CNTNAP2: variants seen among roughly 807,000 people sequenced by gnomAD.
The protein encoded by CNTNAP2 is contactin associated protein 2.
A neutral mutation model predicts 155.2 loss-of-function variants in CNTNAP2; 98 were observed. That is an observed-to-expected ratio of 0.63 (90% confidence interval 0.54 to 0.75). The LOEUF is 0.75. CNTNAP2 is among the 30% of genes least tolerant of loss of function. CNTNAP2 has a pLI of 0.00. For missense variants in CNTNAP2, 1,727 were observed against 1,688.1 expected, an observed-to-expected ratio of 1.02 and a Z score of -0.40; for synonymous variants, 651 against 631.2, an observed-to-expected ratio of 1.03 and a Z score of -0.47.
intron 1 of CNTNAP2, among the ~76,000 whole-genome samples, chr7:146,478,483 G>A (rs1042784248): frequency 1.3e-5 from 2 of 151,906 alleles, no homozygotes; most frequent in Admixed American, 6.6e-5. Flanking sequence ...TCAGTAGCGG[G>A]CTTTGTTATG....
At chr7:147,323,534 G>GAA (rs201371251) in intron 9 of CNTNAP2, among the ~76,000 whole-genome samples, 167 of 147,486 alleles carry the variant, frequency 1.1e-3, no homozygotes, top group Admixed American at 1.6e-3. Context: ...GTGTGGTGCT[G>GAA]AAAAAAAATG....
chr7:148,348,151 C>T (rs1446439652), intron 21 of CNTNAP2, among the ~76,000 whole-genome samples: 2 of 152,160 alleles, frequency 1.3e-5, no homozygotes, highest in African/African-American at 4.8e-5. Context: ...ACAAAGAGAG[C>T]TCTGCTCCCG....
At chr7:148,397,848 T>C (rs1799502330) in intron 22 of CNTNAP2, among the ~76,000 whole-genome samples, 1 of 152,228 alleles carries the variant, frequency 6.6e-6, no homozygotes, top group South Asian at 2.1e-4. Flanking sequence ...TTGATGGCCA[T>C]TTGCCATTTC....
intron 3 of CNTNAP2, among the ~76,000 whole-genome samples, chr7:146,969,525 T>G (rs1341159470): frequency 1.3e-5 from 2 of 152,176 alleles, no homozygotes; most frequent in African/African-American, 4.8e-5. Flanking sequence ...TTTAGGATAG[T>G]TAGCTCTTCT....
intron 1 of CNTNAP2, among the ~76,000 whole-genome samples, chr7:146,165,741 A>G (rs1450612745): frequency 1.3e-5 from 2 of 152,232 alleles, no homozygotes; most frequent in Non-Finnish European, 1.5e-5. Context: ...ACTTTATGTG[A>G]GATAGATACA....
At chr7:147,333,238 C>A (rs1409415159) in intron 9 of CNTNAP2, among the ~76,000 whole-genome samples, 1 of 152,072 alleles carries the variant, frequency 6.6e-6, no homozygotes, top group Non-Finnish European at 1.5e-5. Context: ...ATAGTGATGA[C>A]TACAGAGAGA....
rs1019479418 is a variant in CNTNAP2 at position 148,420,540 on chromosome 7, A to C, written c.*4924A>C. The C allele has an allele frequency of 5.9e-5, 9 of 152,212 alleles. No individual in the cohort carries two copies. The highest frequency in any genetic ancestry group is 2.2e-4 in the African/African-American group (9 of 41,452). The allele number at this position is 152,212 out of a possible 1,614,324, so 9.4% of individuals were successfully genotyped here. A position where few individuals can be genotyped will look rare whatever the true frequency, so the allele number is the denominator to read the frequency against. ...TATTAATATACAGCACGCATTTACA[A>C]GTTTATTTTCCAGATAAAATTGTGC... On this transcript the variant is annotated 3_prime_UTR_variant, in exon 24 of 24. Coordinates refer to ENST00000361727, the MANE Select transcript of CNTNAP2 (RefSeq NM_014141.6).
chr7:147,298,548 A>C (rs1794880977), intron 8 of CNTNAP2, among the ~76,000 whole-genome samples: 1 of 152,202 alleles, frequency 6.6e-6, no homozygotes, highest in African/African-American at 2.4e-5. Context: ...TACTACAAAC[A>C]TGTGACTATC....
chr7:146,409,030 A>T (rs1054093059), intron 1 of CNTNAP2, among the ~76,000 whole-genome samples: 2 of 152,062 alleles, frequency 1.3e-5, no homozygotes, highest in East Asian at 1.9e-4. Flanking sequence ...CCTTGCAACG[A>T]TCCTACAACT....
chr7:147,182,054 G>T (rs1287786840), intron 8 of CNTNAP2, among the ~76,000 whole-genome samples: 1 of 150,238 alleles, frequency 6.7e-6, no homozygotes, highest in African/African-American at 2.5e-5. Flanking sequence ...GAATCCAGGA[G>T]GCAGATGATC....
chr7:146,429,508 C>CATA (rs1796141497), intron 1 of CNTNAP2, among the ~76,000 whole-genome samples: 2 of 152,058 alleles, frequency 1.3e-5, no homozygotes, highest in Admixed American at 1.3e-4. Context: ...GGAGTTCATT[C>CATA]ATAATTCTGC....
intron 1 of CNTNAP2, among the ~76,000 whole-genome samples, chr7:146,749,372 C>A (rs1056723476): frequency 6.6e-6 from 1 of 152,124 alleles, no homozygotes; most frequent in African/African-American, 2.4e-5. Flanking sequence ...ACATAACTGG[C>A]AAGTGGCAAA....
At chr7:146,423,355 C>T (rs544375501) in intron 1 of CNTNAP2, among the ~76,000 whole-genome samples, 20 of 152,154 alleles carry the variant, frequency 1.3e-4, no homozygotes, top group African/African-American at 4.8e-4. Flanking sequence ...ATGAATATTA[C>T]AGTTCTTCCC....
intron 13 of CNTNAP2, among the ~76,000 whole-genome samples, chr7:147,697,654 C>T (rs995976229): frequency 2.0e-5 from 3 of 152,038 alleles, no homozygotes; most frequent in Non-Finnish European, 2.9e-5. Context: ...CACAAGTTTC[C>T]GCCAACCCCT....
chr7:146,217,043 G>A (rs1465690162), intron 1 of CNTNAP2, among the ~76,000 whole-genome samples: 1 of 152,098 alleles, frequency 6.6e-6, no homozygotes, highest in Non-Finnish European at 1.5e-5. Context: ...ATTTTAATTT[G>A]ATTTTTAGGA....
At chr7:148,082,910 C>T (rs919938880) in intron 15 of CNTNAP2, among the ~76,000 whole-genome samples, 16 of 151,754 alleles carry the variant, frequency 1.1e-4, no homozygotes, top group African/African-American at 3.6e-4. Flanking sequence ...ATCTCTTGAC[C>T]TCGTGATCCA....
At chr7:148,388,163 C>T (rs1241830485) in intron 22 of CNTNAP2, among the ~76,000 whole-genome samples, 2 of 152,128 alleles carry the variant, frequency 1.3e-5, no homozygotes, top group East Asian at 3.9e-4. Flanking sequence ...TATTATTATA[C>T]TTTAAGTTTT....
At chr7:147,122,909 G>A (rs910672824) in intron 6 of CNTNAP2, 4 of 152,008 alleles carry the variant, frequency 2.6e-5, no homozygotes, top group Non-Finnish European at 5.9e-5. Flanking sequence ...TATGGAATAT[G>A]CTCATCATAA....
chr7:148,337,390 C>T (rs866208768), intron 21 of CNTNAP2, among the ~76,000 whole-genome samples: 26 of 152,296 alleles, frequency 1.7e-4, no homozygotes, highest in African/African-American at 6.0e-4. Context: ...AAGCCCTGGC[C>T]CTAGGCAGCT....
Sources: gnomAD v4.1 joint callset for allele counts (sites outside exome capture counted in the v4.1 genomes callset) on GRCh38, gnomAD v4.1.1 for gene constraint, MANE v1.5 for transcripts, NCBI Gene and HGNC (gene_info 2026-07-23, HGNC 2026-07-21) for gene names.